NALF1: variants seen among roughly 807,000 people sequenced by gnomAD.
The protein encoded by NALF1 is family with sequence similarity 155 member A.
Under a neutral mutation model 48.4 loss-of-function variants are expected in NALF1, and 3 were observed. The ratio of observed to expected loss-of-function variants is 0.06; its 90% CI spans 0.03 to 0.16. The LOEUF is 0.16. Among genes scored for constraint, NALF1 ranks in the 10% least tolerant of loss-of-function variants. NALF1 has a pLI of 1.00. For missense variants in NALF1, 526 were observed against 571.5 expected (o/e 0.92, Z 0.81); for synonymous variants, 262 against 245.7 (o/e 1.07, Z -0.62).
chr13:107,858,618 C>A (rs762468632), intron 1 of NALF1, among the ~76,000 whole-genome samples: 7 of 152,184 alleles, frequency 4.6e-5, no homozygotes, highest in Non-Finnish European at 7.3e-5. Flanking sequence ...AACTGGGAGA[C>A]AGAGGTAGCA....
At chr13:107,537,508 C>A (rs1461644478) in intron 1 of NALF1, among the ~76,000 whole-genome samples, 1 of 152,066 alleles carries the variant, frequency 6.6e-6, no homozygotes, top group African/African-American at 2.4e-5. Context: ...GTCATTGCCA[C>A]AATATTTTTA....
intron 1 of NALF1, among the ~76,000 whole-genome samples, chr13:107,458,967 A>G (rs962481451): frequency 2.0e-5 from 3 of 152,054 alleles, no homozygotes; most frequent in African/African-American, 7.2e-5. Flanking sequence ...TGAGAGAGGT[A>G]CATCTGTTAT....
chr13:107,233,763 C>A (rs1880278946), intron 1 of NALF1, among the ~76,000 whole-genome samples: 1 of 152,194 alleles, frequency 6.6e-6, no homozygotes, highest in South Asian at 2.1e-4. Flanking sequence ...AGTGCCTGAA[C>A]AACTACATTT....
At position 107,630,581 on chromosome 13, in the gene NALF1, A is replaced by G. The variant is rs968061844; in HGVS notation, c.915+235101T>C. The stretch of plus-strand genomic sequence containing the variant: ...TACCTGATGTCCCTGCCATATGGTA[A>G]GCTCTCAACAGTATCTTTTGAATGA... On this transcript the variant is annotated intron_variant, in intron 1 of 2. Coordinates refer to ENST00000375915, the MANE Select transcript of NALF1 (RefSeq NM_001080396.3). Among the ~76,000 whole-genome samples, 6 of 152,124 alleles carry G rather than the reference A, an allele frequency of 3.9e-5. No homozygotes were observed. In the South Asian group the frequency reaches 6.2e-4, roughly 16 times the overall value.
chr13:107,859,044 G>C (rs371502054), intron 1 of NALF1, among the ~76,000 whole-genome samples: 31 of 152,294 alleles, frequency 2.0e-4, no homozygotes, highest in African/African-American at 6.7e-4. Context: ...AAGGTACAGA[G>C]AAGAAAAGAA....
At chr13:107,379,402 CTA>C (rs1883393110) in intron 1 of NALF1, among the ~76,000 whole-genome samples, 1 of 152,126 alleles carries the variant, frequency 6.6e-6, no homozygotes, top group Non-Finnish European at 1.5e-5. Flanking sequence ...TCGAGAATTT[CTA>C]TGTTTCTACA....
At chr13:107,474,182 GTTA>G (rs1401508204) in intron 1 of NALF1, among the ~76,000 whole-genome samples, 13 of 152,050 alleles carry the variant, frequency 8.5e-5, no homozygotes, top group African/African-American at 3.1e-4. Flanking sequence ...AGGCATATAA[GTTA>G]TTATAGTAAC....
At chr13:107,317,517 A>G (rs1882173509) in intron 1 of NALF1, among the ~76,000 whole-genome samples, 1 of 152,028 alleles carries the variant, frequency 6.6e-6, no homozygotes, top group South Asian at 2.1e-4. Context: ...AAATTTTAAA[A>G]CCAATCTATC....
At chr13:107,401,753 T>C (rs1012732671) in intron 1 of NALF1, among the ~76,000 whole-genome samples, 1 of 151,858 alleles carries the variant, frequency 6.6e-6, no homozygotes, top group Non-Finnish European at 1.5e-5. Flanking sequence ...TCAGCCGAAA[T>C]GGCACGTGGT....
In NALF1 at chr13:107,859,783, G is replaced by A. The variant is rs180903823; in HGVS notation, c.915+5899C>T. 7.6e-4 allele frequency among the ~76,000 whole-genome samples: 115 copies of A among 151,760 alleles called. 1 individual carries two copies. Among genetic ancestry groups the A allele is most frequent in the East Asian group, 4.5e-3 (23 of 5,134 alleles). On this transcript the variant is annotated intron_variant, in intron 1 of 2. Transcript: ENST00000375915. ...CTGGGCATGGTGGTAGGCTATAATC[G>A]CAGCTACTGTAATCCCACCTACTCA... is the stretch of plus-strand genomic sequence containing the variant.
Position 107,648,473 on chromosome 13 carries a change from A to G in NALF1, c.915+217209T>C, listed in dbSNP as rs779473739. ...AGATTGGCTTCTTTCACTTAGCCAT[A>G]TGCATTTAATGTTTATCTGTGTCTT... On this transcript the variant is annotated intron_variant, in intron 1 of 2. Coordinates refer to ENST00000375915, the MANE Select transcript of NALF1 (RefSeq NM_001080396.3). Among the ~76,000 whole-genome samples, 8 of 152,274 alleles carry G rather than the reference A, an allele frequency of 5.3e-5. No individual in the cohort carries two copies. In the East Asian group the frequency reaches 7.7e-4, roughly 15 times the overall value.
At chr13:107,186,119 T>C (rs1879165401) in intron 2 of NALF1, among the ~76,000 whole-genome samples, 1 of 152,202 alleles carries the variant, frequency 6.6e-6, no homozygotes, top group African/African-American at 2.4e-5. Context: ...GTTAGTCACT[T>C]AGTAGCTGTT....
intron 1 of NALF1, among the ~76,000 whole-genome samples, chr13:107,592,079 T>C (rs1213825200): frequency 6.6e-6 from 1 of 152,036 alleles, no homozygotes; most frequent in African/African-American, 2.4e-5. Flanking sequence ...TGTGTGTACA[T>C]GTGTAAATAA....
intron 1 of NALF1, among the ~76,000 whole-genome samples, chr13:107,214,003 T>C (rs1007739631): frequency 6.6e-6 from 1 of 152,196 alleles, no homozygotes; most frequent in Non-Finnish European, 1.5e-5. Flanking sequence ...ACCAGCGTGA[T>C]ATAAAGACGA....
chr13:107,555,598 T>G (rs1359448134), intron 1 of NALF1, among the ~76,000 whole-genome samples: 1 of 151,916 alleles, frequency 6.6e-6, no homozygotes, highest in East Asian at 1.9e-4. Context: ...CCCAGCCAGA[T>G]GTTTGATTTT....
chr13:107,844,408 G>C (rs1880119074), intron 1 of NALF1, among the ~76,000 whole-genome samples: 1 of 152,022 alleles, frequency 6.6e-6, no homozygotes, highest in African/African-American at 2.4e-5. Flanking sequence ...TTATTATGTA[G>C]GTCATTCTTA....
At chr13:107,495,956 T>A (rs1292730437) in intron 1 of NALF1, among the ~76,000 whole-genome samples, 1 of 152,178 alleles carries the variant, frequency 6.6e-6, no homozygotes, top group Non-Finnish European at 1.5e-5. Flanking sequence ...ACTGTCTACA[T>A]CTTTGTTCAA....
At chr13:107,635,379 C>T (rs111985623) in intron 1 of NALF1, among the ~76,000 whole-genome samples, 2 of 152,006 alleles carry the variant, frequency 1.3e-5, no homozygotes, top group African/African-American at 2.4e-5. Flanking sequence ...GGGAAACACT[C>T]CTTAAAAAAA....
chr13:107,361,171 G>T (rs1046124960), intron 1 of NALF1, among the ~76,000 whole-genome samples: 29 of 152,246 alleles, frequency 1.9e-4, no homozygotes, highest in African/African-American at 5.8e-4. Context: ...ATAAATATGT[G>T]CTTAGACAGA....
Sources: gnomAD v4.1 joint callset for allele counts (sites outside exome capture counted in the v4.1 genomes callset) on GRCh38, gnomAD v4.1.1 for gene constraint, MANE v1.5 for transcripts, NCBI Gene and HGNC (gene_info 2026-07-23, HGNC 2026-07-21) for gene names.